CLIP2: variants seen among roughly 807,000 people sequenced by gnomAD.
CLIP2 encodes CAP-Gly domain containing linker protein 2.
Under a neutral mutation model 111.7 loss-of-function variants are expected in CLIP2, and 41 were observed. That is an observed-to-expected ratio of 0.37 (90% CI 0.29 to 0.48). The LOEUF (loss-of-function observed/expected upper bound fraction) is 0.48, where lower values mean the gene tolerates loss of function less well. CLIP2 is among the 20% of genes least tolerant of loss of function. The pLI, the probability that CLIP2 is intolerant of heterozygous loss-of-function variation, is 0.99. For missense variants in CLIP2, 1,160 were observed against 1,422.1 expected (o/e 0.82, Z 2.96); for synonymous variants, 660 against 644.2 (o/e 1.02, Z -0.37).
At chr7:74,339,102 G>A in intron 3 of CLIP2, 98 bp downstream of exon 3, 2 of 1,211,278 alleles carry the variant, frequency 1.7e-6, no homozygotes, top group Non-Finnish European at 2.3e-6. Flanking sequence ...TGGGCAGGGT[G>A]GGGACTCGAA....
At chr7:74,367,869 G>A (rs1273311921) in intron 8 of CLIP2, among the ~76,000 whole-genome samples, 1 of 152,044 alleles carries the variant, frequency 6.6e-6, no homozygotes, top group Non-Finnish European at 1.5e-5. Context: ...TTGAGCCCAG[G>A]AGTTTGAGAC....
At chr7:74,290,362 G>C (rs927593719) in intron 1 of CLIP2, among the ~76,000 whole-genome samples, 2 of 152,256 alleles carry the variant, frequency 1.3e-5, no homozygotes, top group Admixed American at 6.5e-5. Flanking sequence ...CCAAGCTGGC[G>C]CTGGTGGCTG....
At chr7:74,385,693 T>G (rs1300083157) in intron 11 of CLIP2, among the ~76,000 whole-genome samples, 1 of 151,118 alleles carries the variant, frequency 6.6e-6, no homozygotes, top group Admixed American at 6.6e-5. Context: ...TTGAGGGGAC[T>G]AAGGCTGTGA....
chr7:74,331,823 C>T (rs1387146344), intron 2 of CLIP2, among the ~76,000 whole-genome samples: 7 of 151,958 alleles, frequency 4.6e-5, no homozygotes, highest in Admixed American at 4.6e-4. Context: ...AATCCACCCG[C>T]CTCAGTCTCA....
intron 2 of CLIP2, among the ~76,000 whole-genome samples, chr7:74,333,552 G>A (rs1789361742): frequency 6.6e-6 from 1 of 151,974 alleles, no homozygotes; most frequent in South Asian, 2.1e-4. Context: ...TGAGATCATG[G>A]CTCACTGCAG....
intron 2 of CLIP2, among the ~76,000 whole-genome samples, chr7:74,331,366 G>C (rs1789273758): frequency 6.6e-6 from 1 of 151,686 alleles, no homozygotes; most frequent in Non-Finnish European, 1.5e-5. Flanking sequence ...GTGCATGGGT[G>C]GTTGCAGGGC....
intron 2 of CLIP2, among the ~76,000 whole-genome samples, chr7:74,321,650 A>T (rs1396941504): frequency 6.6e-6 from 1 of 151,878 alleles, no homozygotes; most frequent in African/African-American, 2.4e-5. Context: ...TTGTATTTTT[A>T]GTAGAGACAG....
At chr7:74,304,854 AG>A (rs1307118539) in intron 1 of CLIP2, among the ~76,000 whole-genome samples, 1 of 152,106 alleles carries the variant, frequency 6.6e-6, no homozygotes, top group African/African-American at 2.4e-5. Flanking sequence ...CTAAGGAAGG[AG>A]GATCACTTGA....
chr7:74,394,245 ATTTTT>A (rs56651501), intron 13 of CLIP2, among the ~76,000 whole-genome samples: 1 of 117,410 alleles, frequency 8.5e-6, no homozygotes, highest in African/African-American at 3.3e-5. Context: ...TTTTCTTCTT[ATTTTT>A]TTTTTTTTTT....
At chr7:74,382,669 C>A (rs1242112742) in intron 11 of CLIP2, among the ~76,000 whole-genome samples, 1 of 151,664 alleles carries the variant, frequency 6.6e-6, no homozygotes, top group Non-Finnish European at 1.5e-5. Context: ...GGTTATTGAT[C>A]TTTTTGCTGA....
At chr7:74,340,923 G>T (rs926874091) in intron 3 of CLIP2, among the ~76,000 whole-genome samples, 3 of 152,076 alleles carry the variant, frequency 2.0e-5, no homozygotes, top group Non-Finnish European at 4.4e-5. Flanking sequence ...GTGGAGAAGG[G>T]CAGGGGGTCT....
intron 13 of CLIP2, among the ~76,000 whole-genome samples, chr7:74,392,699 C>T (rs149679335): frequency 9.9e-5 from 15 of 152,180 alleles, no homozygotes; most frequent in African/African-American, 3.4e-4. Flanking sequence ...TGGTGAAGCA[C>T]GCCTGTAATC....
At chr7:74,391,926 G>A (rs1188173131) in intron 13 of CLIP2, among the ~76,000 whole-genome samples, 1 of 152,130 alleles carries the variant, frequency 6.6e-6, no homozygotes, top group Non-Finnish European at 1.5e-5. Flanking sequence ...GGAAGATCTG[G>A]CATGGCATGG....
At chr7:74,352,117 T>C (rs574747580) in intron 3 of CLIP2, among the ~76,000 whole-genome samples, 43 of 152,174 alleles carry the variant, frequency 2.8e-4, no homozygotes, top group Non-Finnish European at 5.7e-4. Flanking sequence ...AGAGTTGGGG[T>C]TGAATTAGTA....
chr7:74,311,861 A>C (rs1328770246), intron 1 of CLIP2, among the ~76,000 whole-genome samples: 1 of 151,102 alleles, frequency 6.6e-6, no homozygotes, highest in Non-Finnish European at 1.5e-5. Context: ...GCAGTGAGCT[A>C]TGATCGTGTC....
chr7:74,296,892 T>A (rs1393867750), intron 1 of CLIP2, among the ~76,000 whole-genome samples: 1 of 152,194 alleles, frequency 6.6e-6, no homozygotes, highest in East Asian at 1.9e-4. Flanking sequence ...CTCTGTTGTT[T>A]AAGCCACCTA....
At chr7:74,329,769 T>TTATC (rs1221748947) in intron 2 of CLIP2, among the ~76,000 whole-genome samples, 8 of 96,050 alleles carry the variant, frequency 8.3e-5, no homozygotes, top group East Asian at 2.6e-4. Context: ...GTTATTTTAT[T>TTATC]TATCTATTTA....
chr7:74,403,820 C>T lies in CLIP2; in HGVS notation c.3130-17C>T, dbSNP rs1554318111. ...CTCTCTGAGACCCTTGCTGATGATG[C>T]CCTTTACTCTCTCTAGGACAAGCAC... On this transcript the variant is annotated splice_polypyrimidine_tract_variant and intron_variant, in intron 16 of 16. Transcript: ENST00000223398. 1 of 1,613,118 alleles carries T rather than the reference C, an allele frequency of 6.2e-7. No homozygotes were observed. Among genetic ancestry groups the T allele is most frequent in the Non-Finnish European group, 8.5e-7 (1 of 1,179,718 alleles).
chr7:74,307,921 G>A (rs229884), intron 1 of CLIP2, among the ~76,000 whole-genome samples: 90,558 of 152,052 alleles, frequency 0.6, 29,646 homozygotes, highest in Non-Finnish European at 0.74. Context: ...GTGTGTTGTC[G>A]TGGGAATTCC....
Sources: gnomAD v4.1 joint callset for allele counts (sites outside exome capture counted in the v4.1 genomes callset) on GRCh38, gnomAD v4.1.1 for gene constraint, MANE v1.5 for transcripts, NCBI Gene and HGNC (gene_info 2026-07-23, HGNC 2026-07-21) for gene names.